SPATA19: variants seen among roughly 807,000 people sequenced by gnomAD.
The protein encoded by SPATA19 is spermatogenesis associated 19.
A neutral mutation model predicts 25.0 loss-of-function variants in SPATA19; 19 were observed. The ratio of observed to expected loss-of-function variants is 0.76; its 90% confidence interval spans 0.53 to 1.11. The LOEUF (loss-of-function observed/expected upper bound fraction) is 1.11. SPATA19 is among the 50% of genes most tolerant of loss of function. SPATA19 has a pLI of 0.00. For synonymous variants in SPATA19, 64 were observed against 69.3 expected (o/e 0.92, Z 0.38); for missense variants, 222 against 211.4 (o/e 1.05, Z -0.31).
In SPATA19 at chr11:133,844,317, C is replaced by G; in HGVS notation, c.288G>C (p.Lys96Asn). The change falls in exon 4 of 7, where the codon AAG (lysine) becomes AAC (asparagine). Residue 96 changes from lysine to asparagine, a missense_variant. Coordinates refer to ENST00000299140, the MANE Select transcript of SPATA19 (RefSeq NM_174927.3). Reference protein sequence around the residue: ...TRDVVKHHLSKSDLLANQSQE... With the variant: ...TRDVVKHHLSNSDLLANQSQE... ...GGCTCTGGTTTGCCAACAAATCAGA[C>G]TTAGAGAGGTGGTGCTTCACCTGGG... is the stretch of plus-strand genomic sequence containing the variant. 6.2e-7 allele frequency: 1 copy of G among 1,614,186 alleles called. No individual in the cohort carries two copies. The highest frequency in any genetic ancestry group is 8.5e-7 in the Non-Finnish European group (1 of 1,180,038).
chr11:133,836,925 AG>A (rs1938223135), downstream of SPATA19, among the ~76,000 whole-genome samples: 1 of 152,182 alleles, frequency 6.6e-6, no homozygotes, highest in Non-Finnish European at 1.5e-5. Flanking sequence ...ACTCTGGTCA[AG>A]GTACTTAACC....
At chr11:133,839,511 T>C (rs192345403), downstream of SPATA19, among the ~76,000 whole-genome samples, 728 of 125,334 alleles carry the variant, frequency 5.8e-3, 9 homozygotes, top group African/African-American at 0.021. Context: ...AAGGGGAACA[T>C]CACAATCCGG....
downstream of SPATA19, among the ~76,000 whole-genome samples, chr11:133,839,711 T>C (rs1162789526): frequency 6.6e-6 from 1 of 151,694 alleles, no homozygotes; most frequent in Non-Finnish European, 1.5e-5. Flanking sequence ...AAAAGAAATG[T>C]CAGTAGAATC....
At position 133,842,511 on chromosome 11, in the gene SPATA19, T is replaced by A. The variant is rs1391116778; in HGVS notation, c.411A>T (p.Arg137=). 6.2e-7 allele frequency: 1 copy of A among 1,614,020 alleles called. No individual in the cohort carries two copies. The highest frequency in any genetic ancestry group is 1.7e-5 in the Admixed American group (1 of 60,006). Residue 137 remains arginine, a synonymous_variant, in exon 5 of 7, where the codon CGA becomes CGT. Coordinates refer to ENST00000299140, the MANE Select transcript of SPATA19 (RefSeq NM_174927.3). ...VPSEMTEDIM[R]DRIEQVRRSI... ...TTCGTCTCACCTGCTCTATTCGATC[T>A]CGCATGATGTCCTCTGTCATCTCAC...
downstream of SPATA19, among the ~76,000 whole-genome samples, chr11:133,837,644 C>T (rs373618832): frequency 6.6e-6 from 1 of 152,274 alleles, no homozygotes. Flanking sequence ...TCCCCTCTAG[C>T]CTTCCTGTCT....
At chr11:133,838,481 A>G (rs1938246376), downstream of SPATA19, among the ~76,000 whole-genome samples, 1 of 152,258 alleles carries the variant, frequency 6.6e-6, no homozygotes, top group South Asian at 2.1e-4. Flanking sequence ...AGCCATATGT[A>G]GAAAGCTGAA....
downstream of SPATA19, among the ~76,000 whole-genome samples, chr11:133,838,109 A>G (rs1388199171): frequency 1.3e-5 from 2 of 152,254 alleles, no homozygotes; most frequent in African/African-American, 2.4e-5. Flanking sequence ...TGCTAAAAAT[A>G]TATATACATA....
At chr11:133,840,500 T>C (rs377113204), downstream of SPATA19, 342 of 152,356 alleles carry the variant, frequency 2.2e-3, 1 homozygote, top group South Asian at 4.4e-3. Context: ...CATTGTCACA[T>C]TGCTGGAACG....
downstream of SPATA19, among the ~76,000 whole-genome samples, chr11:133,839,103 C>T (rs1268035272): frequency 1.3e-5 from 2 of 152,190 alleles, no homozygotes; most frequent in Admixed American, 1.3e-4. Context: ...CTAGTTCAAC[C>T]ATTGTGGAAG....
chr11:133,838,423 A>G (rs1299893875), downstream of SPATA19, among the ~76,000 whole-genome samples: 1 of 152,214 alleles, frequency 6.6e-6, no homozygotes, highest in African/African-American at 2.4e-5. Flanking sequence ...AAAACAAGCA[A>G]TGGGGAAAAG....
downstream of SPATA19, among the ~76,000 whole-genome samples, chr11:133,840,375 G>C (rs1374718953): frequency 6.6e-6 from 1 of 152,160 alleles, no homozygotes; most frequent in Non-Finnish European, 1.5e-5. Flanking sequence ...GCTAGAGAAG[G>C]AATAAGTGCA....
At chr11:133,843,371 T>C (rs866076080) in intron 4 of SPATA19, among the ~76,000 whole-genome samples, 4 of 151,998 alleles carry the variant, frequency 2.6e-5, no homozygotes, top group Middle Eastern at 3.2e-3. Context: ...AGGCTTCCCA[T>C]CCAAAAAAAC....
Position 133,842,468 on chromosome 11 carries a change from A to C in SPATA19, c.437+17T>G. 1 of 1,603,728 alleles carries C rather than the reference A, an allele frequency of 6.2e-7. No homozygotes were observed. Among genetic ancestry groups the C allele is most frequent in the Non-Finnish European group, 8.5e-7 (1 of 1,170,618 alleles). ...CCCCAGTCAGGAACACAAATCAAGCAGTTCCAAACAGCTTACCTTCGTCTC... is the reference window on the plus strand; with the variant it reads ...CCCCAGTCAGGAACACAAATCAAGCCGTTCCAAACAGCTTACCTTCGTCTC... On this transcript the variant is annotated intron_variant, in intron 5 of 6. Coordinates refer to ENST00000299140, the MANE Select transcript of SPATA19 (RefSeq NM_174927.3).
Position 133,845,129 on chromosome 11 carries a change from C to G in SPATA19, c.135+5G>C. The stretch of plus-strand genomic sequence containing the variant: ...TATCCTGAGTCATAAAGAAATCTTA[C>G]TCACTTTTTTCAACCAATGATGTAG... On this transcript the variant is annotated splice_donor_5th_base_variant and intron_variant, in intron 2 of 6. Transcript: ENST00000299140. The G allele has an allele frequency of 1.2e-6, 2 of 1,613,192 alleles. No individual in the cohort carries two copies. Among genetic ancestry groups the G allele is most frequent in the Non-Finnish European group, 1.7e-6 (2 of 1,179,384 alleles).
downstream of SPATA19, among the ~76,000 whole-genome samples, chr11:133,837,949 C>T (rs1378873067): frequency 1.3e-5 from 2 of 152,092 alleles, no homozygotes; most frequent in Non-Finnish European, 2.9e-5. Context: ...ACAAGGATGC[C>T]AGAGGAAACC....
Position 133,845,144 on chromosome 11 carries a change from C to G in SPATA19, c.125G>C (p.Trp42Ser). The change falls in exon 2 of 7, where the codon TGG (tryptophan) becomes TCG (serine). Residue 42 changes from tryptophan to serine, a missense_variant. Physicochemically the swap from Trp to Ser is radical, Grantham distance 177. Coordinates refer to ENST00000299140, the MANE Select transcript of SPATA19 (RefSeq NM_174927.3). ...AGAAATCTTACTCACTTTTTTCAAC[C>G]AATGATGTAGTACAGACACAGCCTC... ...ESEAVSVLHHWLKKTEEEASR... is the reference protein window; with the variant it reads ...ESEAVSVLHHSLKKTEEEASR... The G allele has an allele frequency of 1.9e-6, 3 of 1,612,796 alleles. No individual in the cohort carries two copies. Among genetic ancestry groups the G allele is most frequent in the Non-Finnish European group, 2.5e-6 (3 of 1,179,566 alleles).
chr11:133,838,222 G>A (rs950765477), downstream of SPATA19, among the ~76,000 whole-genome samples: 4 of 152,186 alleles, frequency 2.6e-5, no homozygotes, highest in South Asian at 6.2e-4. Flanking sequence ...GCTCTAATGG[G>A]GAAAGTGGAC....
In SPATA19 at chr11:133,842,125, A is replaced by G. The variant is rs1289497062; in HGVS notation, c.438-20T>C. 1 of 1,613,150 alleles carries G rather than the reference A, an allele frequency of 6.2e-7. No homozygotes were observed. Among genetic ancestry groups the G allele is most frequent in the Non-Finnish European group, 8.5e-7 (1 of 1,179,356 alleles). ...GATATGCTGCAGGGGACAGAGGAGA[A>G]GGGCCAGGTGGAGGGAGGCTGCCTG... On this transcript the variant is annotated intron_variant, in intron 5 of 6. Transcript: ENST00000299140.
chr11:133,842,882 C>G (rs1938339822), intron 4 of SPATA19, among the ~76,000 whole-genome samples: 1 of 152,102 alleles, frequency 6.6e-6, no homozygotes, highest in African/African-American at 2.4e-5. Flanking sequence ...ATTCAGTCTT[C>G]TGAATTCCTC....
Sources: allele counts gnomAD v4.1 joint callset (sites outside exome capture counted in the v4.1 genomes callset), GRCh38; gene constraint gnomAD v4.1.1; transcripts MANE v1.5; gene names NCBI Gene and HGNC (gene_info 2026-07-23, HGNC 2026-07-21).